FGD1: variants seen among roughly 807,000 people sequenced by gnomAD.
The protein encoded by FGD1 is FYVE, RhoGEF and PH domain containing 1.
FGD1 carries 12 observed loss-of-function variants against 65.0 expected under a neutral mutation model. The ratio of observed to expected loss-of-function variants is 0.18; its 90% CI spans 0.12 to 0.30. The LOEUF is 0.30. FGD1 is among the 10% of genes least tolerant of loss of function. The probability of loss-of-function intolerance (pLI) is 1.00; values close to 1 mark genes in which losing one functional copy is unlikely to be tolerated. For missense variants in FGD1, 542 were observed against 837.6 expected, an observed-to-expected ratio of 0.65 and a Z score of 4.36; for synonymous variants, 333 against 343.9, an observed-to-expected ratio of 0.97 and a Z score of 0.35.
chrX:54,462,389 C>CTTTTT (rs1158349272), intron 8 of FGD1, among the ~76,000 whole-genome samples: 1 of 79,555 alleles, frequency 1.3e-5, no homozygotes. Context: ...ACTTCCCATT[C>CTTTTT]TTTTTTTTTT....
chrX:54,479,437 C>A (rs1214841000), intron 1 of FGD1, among the ~76,000 whole-genome samples: 1 of 111,743 alleles, frequency 8.9e-6, no homozygotes, highest in Non-Finnish European at 1.9e-5. Flanking sequence ...AAGCTCTGGG[C>A]CCCAATTTCC....
At chrX:54,479,448 C>CA (rs1376387228) in intron 1 of FGD1, among the ~76,000 whole-genome samples, 2 of 111,630 alleles carry the variant, frequency 1.8e-5, no homozygotes, top group Admixed American at 9.6e-5. Flanking sequence ...CCCAATTTCC[C>CA]CATTTGGGGC....
chrX:54,462,485 C>T (rs1301770484), intron 8 of FGD1, among the ~76,000 whole-genome samples: 4 of 105,961 alleles, frequency 3.8e-5, no homozygotes, highest in African/African-American at 1.4e-4. Context: ...CTCTGCCTCC[C>T]GGGTTCCAGC....
chrX:54,456,039 T>C (rs1339086054), intron 10 of FGD1, among the ~76,000 whole-genome samples, 181 bp downstream of exon 10: 3 of 112,138 alleles, frequency 2.7e-5, no homozygotes, highest in African/African-American at 9.7e-5. Context: ...CCTAGCTAGG[T>C]AGTGAAAATA....
In FGD1 at chrX:54,446,271, T is replaced by C; in HGVS notation, c.2724A>G (p.Leu908=). Residue 908 remains leucine (L), a synonymous_variant, in exon 18 of 18, where the codon CTA becomes CTG. Transcript: ENST00000375135. ...CAAGCACAGCCATCCAGCGTCGCTG[T>C]AGTTCCTCTGTCTCAGGGCTGAAGT... ...SWYFSPETEE[L]QRRWMAVLGR... The C allele has an allele frequency of 8.3e-7, 1 of 1,212,092 alleles. No homozygotes were observed. The highest frequency in any genetic ancestry group is 1.1e-6 in the Non-Finnish European group (1 of 895,570).
chrX:54,461,557 C>T (rs967930058), intron 8 of FGD1, among the ~76,000 whole-genome samples: 7 of 92,551 alleles, frequency 7.6e-5, no homozygotes, highest in African/African-American at 2.4e-4. Flanking sequence ...GCCGAGATCG[C>T]GCCACTGCAC....
At position 54,447,558 on chromosome X, in the gene FGD1, T is replaced by A. The variant is rs903850362; in HGVS notation, c.2437-104A>T. 1.3e-5 allele frequency: 11 copies of A among 871,782 alleles called. No homozygotes were observed. The South Asian group carries it at 2.4e-4, about 19-fold the overall frequency. The allele number at this position is 871,782 out of a possible 1,213,427, so 71.8% of individuals were successfully genotyped here. ...TAGGGACTGCTATTCCTATCTCAGATGAAGACGCTCAAGCTCAGGTGGCAG... is the reference window on the plus strand; with the variant it reads ...TAGGGACTGCTATTCCTATCTCAGAAGAAGACGCTCAAGCTCAGGTGGCAG... On this transcript the variant is annotated intron_variant, in intron 16 of 17. Transcript: ENST00000375135.
At chrX:54,486,344 G>A (rs1319902871) in intron 1 of FGD1, among the ~76,000 whole-genome samples, 1 of 111,355 alleles carries the variant, frequency 9.0e-6, no homozygotes, top group Non-Finnish European at 1.9e-5. Flanking sequence ...CACCTCCCGG[G>A]TTCAAGTGAT....
intron 1 of FGD1, among the ~76,000 whole-genome samples, chrX:54,486,537 C>T (rs940135612): frequency 2.7e-5 from 3 of 111,050 alleles, no homozygotes; most frequent in African/African-American, 9.8e-5. Context: ...TGAGCCACTG[C>T]GCCTGGCTGA....
intron 8 of FGD1, among the ~76,000 whole-genome samples, chrX:54,457,747 A>G (rs746916796): frequency 2.8e-4 from 31 of 109,295 alleles, no homozygotes; most frequent in African/African-American, 1.0e-3. Flanking sequence ...ATAACAGGGG[A>G]TTTTTTTCCT....
At position 54,470,361 on chromosome X, in the gene FGD1, T is replaced by C. The variant is rs746016154; in HGVS notation, c.756A>G (p.Pro252=). 1 of 1,209,842 alleles carries C rather than the reference T, an allele frequency of 8.3e-7. No individual in the cohort carries two copies. The highest frequency in any genetic ancestry group is 1.8e-5 in the South Asian group (1 of 56,574). ...VMLPQPTSQP[P]VPQLPEGEAS... is the part of the protein sequence containing the mutation. ...CCTCACCCTCGGGGAGCTGGGGCAC[T>C]GGTGGCTGCGAGGTTGGCTGTGGCA... The change falls in exon 4 of 18, where the codon CCA becomes CCG. Residue 252 remains proline (P), a synonymous_variant. Transcript: ENST00000375135.
Position 54,489,857 on chromosome X carries a change from G to A in FGD1, c.307+5269C>T, listed in dbSNP as rs140613073. 6.0e-3 allele frequency among the ~76,000 whole-genome samples: 673 copies of A among 111,731 alleles called. 17 individuals are homozygous for A. Among genetic ancestry groups the A allele is most frequent in the Admixed American group, 0.059 (619 of 10,455 alleles). ...GTATACACTCAAAGAAGTATAAATC[G>A]TTCTACCATAAAGACACATGCATAT... is the stretch of plus-strand genomic sequence containing the variant. On this transcript the variant is annotated intron_variant, in intron 1 of 17. Coordinates refer to ENST00000375135, the MANE Select transcript of FGD1 (RefSeq NM_004463.3).
intron 1 of FGD1, among the ~76,000 whole-genome samples, chrX:54,483,291 A>C (rs1272219628): frequency 4.5e-5 from 5 of 111,821 alleles, no homozygotes; most frequent in Non-Finnish European, 9.4e-5. Flanking sequence ...TACACCTGGA[A>C]TGCATTAGGT....
chrX:54,472,940 A>G (rs1034722382), intron 1 of FGD1, among the ~76,000 whole-genome samples: 64 of 111,360 alleles, frequency 5.7e-4, no homozygotes, highest in African/African-American at 2.1e-3. Flanking sequence ...CTTATATCAC[A>G]CACAGTCTCA....
intron 14 of FGD1, 83 bp downstream of exon 14, chrX:54,449,576 G>C: frequency 1.5e-6 from 1 of 662,404 alleles, no homozygotes; most frequent in African/African-American, 2.2e-5. Context: ...CTAGGAAAGG[G>C]AGAGGATCAT....
intron 1 of FGD1, among the ~76,000 whole-genome samples, chrX:54,480,414 TA>T (rs770195776): frequency 9.0e-6 from 1 of 111,342 alleles, no homozygotes; most frequent in South Asian, 3.8e-4. Flanking sequence ...GCCCCTTCTG[TA>T]AAGAGAAGGA....
intron 12 of FGD1, among the ~76,000 whole-genome samples, chrX:54,453,744 G>A: frequency 1.8e-5 from 2 of 111,530 alleles, no homozygotes; most frequent in African/African-American, 6.5e-5. Context: ...CATTTGTAAA[G>A]TAGATTTATG....
intron 1 of FGD1, among the ~76,000 whole-genome samples, chrX:54,480,554 A>T (rs1202909202): frequency 9.0e-6 from 1 of 111,460 alleles, no homozygotes; most frequent in Non-Finnish European, 1.9e-5. Flanking sequence ...AAGTAGAAGC[A>T]GCAGCTTCTC....
At position 54,496,170 on chromosome X, in the gene FGD1, A is replaced by C. The variant is rs1422992614; in HGVS notation, c.-738T>G. On this transcript the variant is annotated 5_prime_UTR_variant, in exon 1 of 18. Transcript: ENST00000375135. Reference sequence around the variant, plus strand: ...CGGCGGGCGGGAAGGAGCCCTGGGAAGGGGGGTGGGGAGGCGGGAGCCTCG... The same window carrying C: ...CGGCGGGCGGGAAGGAGCCCTGGGACGGGGGGTGGGGAGGCGGGAGCCTCG... The C allele has an allele frequency of 2.1e-5, 1 of 47,973 alleles. No homozygotes were observed. Among genetic ancestry groups the C allele is most frequent in the African/African-American group, 8.1e-5 (1 of 12,362 alleles). The allele number at this position is 47,973 out of a possible 1,213,427, so 4.0% of individuals were successfully genotyped here.
Sources: allele counts gnomAD v4.1 joint callset (sites outside exome capture counted in the v4.1 genomes callset), GRCh38; gene constraint gnomAD v4.1.1; transcripts MANE v1.5; gene names NCBI Gene and HGNC (gene_info 2026-07-23, HGNC 2026-07-21).